The following INSRR variants were observed in gnomAD, a reference collection of about 807,000 sequenced individuals.
INSRR encodes the protein insulin receptor-related protein.
A neutral mutation model predicts 130.0 loss-of-function variants in INSRR; 114 were observed. The observed-to-expected ratio is 0.88, with a 90% CI of 0.75 to 1.02. The LOEUF is 1.02. Among genes scored for constraint, INSRR ranks in the 50% least tolerant of loss-of-function variants. INSRR has a pLI of 0.00. For missense variants in INSRR, 1,657 were observed against 1,735.2 expected, an observed-to-expected ratio of 0.95 and a Z score of 0.80; for synonymous variants, 674 against 705.2, an observed-to-expected ratio of 0.96 and a Z score of 0.70.
chr1:156,841,677 T>A lies in INSRR; in HGVS notation c.3515A>T (p.His1172Leu). The A allele has an allele frequency of 2.5e-6, 4 of 1,613,644 alleles. No individual in the cohort carries two copies. The highest frequency in any genetic ancestry group is 3.4e-6 in the Non-Finnish European group (4 of 1,179,816). Residue 1172 changes from histidine to leucine, a missense_variant, in exon 20 of 22, where the codon CAC becomes CTC. Physicochemically the swap from His to Leu is moderately conservative, Grantham distance 99 (BLOSUM62 -3). Coordinates refer to ENST00000368195, the MANE Select transcript of INSRR (RefSeq NM_014215.3). The stretch of plus-strand genomic sequence containing the variant: ...AGCTCGGCCCCACCAGACATCCGAG[T>A]GGGTGGTGAAGATCCCATCTTTGAG... ...ESLKDGIFTTHSDVWSFGVVL... is the reference protein window; with the variant it reads ...ESLKDGIFTTLSDVWSFGVVL...
In INSRR at chr1:156,853,960, C is replaced by G; in HGVS notation, c.429G>C (p.Lys143Asn). ...TGGAGAGGTGGCAGAGCTCCTGGTT[C>G]TTCTCCACACGCACAGCCCCACGCA... The part of the protein sequence containing the change: ...AVLRGAVRVE[K>N]NQELCHLSTI... The change falls in exon 2 of 22, where the codon AAG becomes AAC. Residue 143 changes from lysine (K) to asparagine (N), a missense_variant. Physicochemically the swap from Lys to Asn is moderately conservative, Grantham distance 94. Transcript: ENST00000368195. The G allele has an allele frequency of 1.9e-6, 3 of 1,613,146 alleles. No individual in the cohort carries two copies. Among genetic ancestry groups the G allele is most frequent in the East Asian group, 2.2e-5 (1 of 44,840 alleles).
chr1:156,843,088 C>A lies in INSRR; in HGVS notation c.3042G>T (p.Thr1014=), dbSNP rs56266370. The A allele has an allele frequency of 6.2e-7, 1 of 1,614,022 alleles. No homozygotes were observed. Among genetic ancestry groups the A allele is most frequent in the African/African-American group, 1.3e-5 (1 of 74,902 alleles). The part of the protein sequence containing the change: ...GEESTPVALK[T]VNELASPREC... ...CCCGTGGGCTGGCCAGCTCATTCACCGTCTTCAGGGCCACGGGTGTGGACT... is the reference window on the plus strand; with the variant it reads ...CCCGTGGGCTGGCCAGCTCATTCACAGTCTTCAGGGCCACGGGTGTGGACT... Residue 1014 remains threonine, a synonymous_variant, in exon 17 of 22, where the codon ACG becomes ACT. Coordinates refer to ENST00000368195, the MANE Select transcript of INSRR (RefSeq NM_014215.3).
At chr1:156,841,151 C>G (rs1323040440) in intron 21 of INSRR, 47 bp from the exon 22 acceptor site, 2 of 1,418,090 alleles carry the variant, frequency 1.4e-6, no homozygotes, top group East Asian at 2.5e-5. Context: ...GAGCCCCTGC[C>G]ACGCTCTCAG....
intron 21 of INSRR, 40 bp downstream of exon 21, chr1:156,841,354 G>A: frequency 6.3e-7 from 1 of 1,597,002 alleles, no homozygotes; most frequent in Non-Finnish European, 8.6e-7. Context: ...AGGGTTGTAG[G>A]TAGATCAACA....
rs1160858750 is a variant in INSRR, at chr1:156,841,117, G to C, written c.3663-13C>G. On this transcript the variant is annotated splice_polypyrimidine_tract_variant and intron_variant, in intron 21 of 21. Transcript: ENST00000368195. ...CATCAGCTCCTGCCTGGTGGGTGTG[G>C]GGAGCAGGGTCAGAGGCATCCGGGA... The C allele has an allele frequency of 6.4e-7, 1 of 1,550,586 alleles. No individual in the cohort carries two copies.
In INSRR at chr1:156,848,401, C is replaced by T. The variant is rs574213274; in HGVS notation, c.1571+520G>A. 9.8e-5 allele frequency among the ~76,000 whole-genome samples: 15 copies of T among 152,286 alleles called. No homozygotes were observed. The South Asian group carries it at 1.7e-3, about 17-fold the overall frequency. ...AGGATATCTCCTTTTGATTCCTAAC[C>T]GTGTTTTTGGAGAAGTCTTTCCTGT... is the stretch of plus-strand genomic sequence containing the variant. On this transcript the variant is annotated intron_variant, in intron 7 of 21. Transcript: ENST00000368195.
rs772332648 is a variant in INSRR, at chr1:156,842,174, A to C, written c.3335T>G (p.Val1112Gly). Residue 1112 changes from valine (V) to glycine (G), a missense_variant, in exon 19 of 22, where the codon GTG becomes GGG. Val to Gly is a moderately radical substitution (Grantham distance 109). Transcript: ENST00000368195. ...GMAYLAANKF[V>G]HRDLAARNCM... is the part of the protein sequence containing the mutation. Reference sequence around the variant, plus strand: ...GTTGCGGGCTGCTAGATCTCGGTGCACAAACTTGTTGGCAGCAAGGTAGGC... The same window carrying C: ...GTTGCGGGCTGCTAGATCTCGGTGCCCAAACTTGTTGGCAGCAAGGTAGGC... 1.9e-6 allele frequency: 3 copies of C among 1,613,824 alleles called. No individual in the cohort carries two copies. The highest frequency in any genetic ancestry group is 2.5e-6 in the Non-Finnish European group (3 of 1,179,970).
In INSRR at chr1:156,846,027, G is replaced by A; in HGVS notation, c.1903C>T (p.Leu635Phe). 2 of 1,614,178 alleles carry A rather than the reference G, an allele frequency of 1.2e-6. No individual in the cohort carries two copies. The highest frequency in any genetic ancestry group is 1.7e-6 in the Non-Finnish European group (2 of 1,180,016). Reference protein sequence around the residue: ...WKPPTQRNGNLTYYLVLWQRL... With the variant: ...WKPPTQRNGNFTYYLVLWQRL... ...TGCCACAGCACCAGGTAGTAGGTGA[G>A]GTTCCCATTGCGCTGGGTCGGTGGC... The change falls in exon 9 of 22, where the codon CTC becomes TTC. Residue 635 changes from leucine (L) to phenylalanine (F), a missense_variant. Coordinates refer to ENST00000368195, the MANE Select transcript of INSRR (RefSeq NM_014215.3).
intron 7 of INSRR, 77 bp downstream of exon 7, chr1:156,848,844 C>G (rs1655098158): frequency 1.3e-6 from 2 of 1,499,970 alleles, no homozygotes; most frequent in Non-Finnish European, 1.8e-6. Context: ...TGAGCTCCGC[C>G]CTCACCTGCC....
At position 156,853,837 on chromosome 1, in the gene INSRR, C is replaced by G. The variant is rs768965212; in HGVS notation, c.552G>C (p.Leu184=). The part of the protein sequence containing the change: ...EECADVCPGV[L]GAAGEPCAKT... ...TGGCACAGGGCTCACCAGCAGCACC[C>G]AGCACACCAGGGCACACGTCAGCAC... Residue 184 remains leucine, a synonymous_variant, in exon 2 of 22, where the codon CTG becomes CTC. Coordinates refer to ENST00000368195, the MANE Select transcript of INSRR (RefSeq NM_014215.3). 2 of 1,613,966 alleles carry G rather than the reference C, an allele frequency of 1.2e-6. No homozygotes were observed. The highest frequency in any genetic ancestry group is 1.3e-5 in the African/African-American group (1 of 75,068).
In INSRR at chr1:156,854,352, C is replaced by T. The variant is rs1296172715; in HGVS notation, c.86-49G>A. 2.0e-6 allele frequency: 3 copies of T among 1,517,154 alleles called. No homozygotes were observed. Among genetic ancestry groups the T allele is most frequent in the Middle Eastern group, 1.9e-4 (1 of 5,160 alleles). The allele number at this position is 1,517,154 out of a possible 1,614,324, so 94.0% of individuals were successfully genotyped here. ...CATTGAGTACAGCCCAGGCCAAATT[C>T]CCCATCCAGCCCTGGCAGCTTTGGA... On this transcript the variant is annotated intron_variant, in intron 1 of 21. Coordinates refer to ENST00000368195, the MANE Select transcript of INSRR (RefSeq NM_014215.3). The surrounding 1 kb of genome is among the most constrained non-coding windows in gnomAD (Gnocchi z 4.2).
At position 156,842,445 on chromosome 1, in the gene INSRR, G is replaced by T; in HGVS notation, c.3190C>A (p.Arg1064Ser). Residue 1064 changes from arginine to serine, a missense_variant, in exon 18 of 22, where the codon CGT (arginine) becomes AGT (serine). By Grantham distance (110) the Arg-to-Ser change is moderately radical. Transcript: ENST00000368195. Reference sequence around the variant, plus strand: ...CGAAGATGGCTCTTGAGGTCCCCACGGGTCATTAACTCCATGATGACCAGA... The same window carrying T: ...CGAAGATGGCTCTTGAGGTCCCCACTGGTCATTAACTCCATGATGACCAGA... ...PTLVIMELMT[R>S]GDLKSHLRSL... The T allele has an allele frequency of 6.2e-7, 1 of 1,613,996 alleles. No homozygotes were observed. The highest frequency in any genetic ancestry group is 8.5e-7 in the Non-Finnish European group (1 of 1,179,994).
rs778144377 is a variant in INSRR at position 156,841,518 on chromosome 1, C to T, written c.3538G>A (p.Val1180Met). ...TTHSDVWSFG[V>M]VLWEIVTLAE... The stretch of plus-strand genomic sequence containing the variant: ...AGGGTCACAATCTCCCAGAGTACCA[C>T]GCCAAAGGACCTGGGGGCATGCAGG... The change falls in exon 21 of 22, where the codon GTG (valine) becomes ATG (methionine). Residue 1180 changes from valine to methionine, a missense_variant. Coordinates refer to ENST00000368195, the MANE Select transcript of INSRR (RefSeq NM_014215.3). 40 of 1,614,004 alleles carry T rather than the reference C, an allele frequency of 2.5e-5. No homozygotes were observed. Among genetic ancestry groups the T allele is most frequent in the Middle Eastern group, 1.6e-4 (1 of 6,062 alleles).
At position 156,851,379 on chromosome 1, in the gene INSRR, G is replaced by A. The variant is rs1217053227; in HGVS notation, c.1140C>T (p.Gly380=). ...CAAAGGAGTGCTTGATTTTGAGGAA[G>A]CCAGTAATGGTTTCTACCAGCCCCA... ...HSLGLVETIT[G]FLKIKHSFAL... is the part of the protein sequence containing the mutation. The change falls in exon 5 of 22, where the codon GGC becomes GGT. Residue 380 remains glycine (G), a synonymous_variant. Coordinates refer to ENST00000368195, the MANE Select transcript of INSRR (RefSeq NM_014215.3). 3 of 1,613,962 alleles carry A rather than the reference G, an allele frequency of 1.9e-6. No homozygotes were observed. The highest frequency in any genetic ancestry group is 1.3e-5 in the African/African-American group (1 of 74,930).
intron 3 of INSRR, 46 bp downstream of exon 3, chr1:156,851,842 G>T: frequency 6.3e-7 from 1 of 1,579,014 alleles, no homozygotes; most frequent in Non-Finnish European, 8.6e-7. Flanking sequence ...GCCTCCTCAG[G>T]CCTCCTCACT....
rs538793272 is a variant in INSRR, at chr1:156,857,309, C to T, written c.85+1228G>A. 2.1e-4 allele frequency among the ~76,000 whole-genome samples: 32 copies of T among 152,192 alleles called. 1 individual carries two copies. The highest frequency in any genetic ancestry group is 1.7e-3 in the East Asian group (9 of 5,162). ...CCAGGCAAAAGCCAATCAGGCTCTG[C>T]GAGGCAGATAGGGGTTCTCTCAGGC... On this transcript the variant is annotated intron_variant, in intron 1 of 21. Transcript: ENST00000368195.
chr1:156,842,301 A>G (rs1248223375), intron 18 of INSRR, 30 bp from the exon 19 acceptor site: 3 of 1,613,742 alleles, frequency 1.9e-6, no homozygotes, highest in Non-Finnish European at 1.7e-6. Flanking sequence ...CTGGTGAGGA[A>G]GGAACCCAGA....
Position 156,840,700 on chromosome 1 carries a change from G to A in INSRR, c.*173C>T, listed in dbSNP as rs1360700727. On this transcript the variant is annotated 3_prime_UTR_variant, in exon 22 of 22. Coordinates refer to ENST00000368195, the MANE Select transcript of INSRR (RefSeq NM_014215.3). ...GACTCAGAGTCTGAGAAACTCCTAT[G>A]GTGAGACCCCTCTGCCCACCCCCAC... 3.2e-6 allele frequency: 2 copies of A among 627,172 alleles called. No homozygotes were observed. The highest frequency in any genetic ancestry group is 2.8e-5 in the Admixed American group (1 of 36,302). The allele number at this position is 627,172 out of a possible 1,614,324, so 38.9% of individuals were successfully genotyped here.
intron 15 of INSRR, 126 bp from the exon 16 acceptor site, chr1:156,843,605 G>T: frequency 1.0e-6 from 1 of 996,778 alleles, no homozygotes. Flanking sequence ...GCCTTGGTCA[G>T]GGTGACTCCT....
Sources: allele counts gnomAD v4.1 joint callset (sites outside exome capture counted in the v4.1 genomes callset), GRCh38; gene constraint gnomAD v4.1.1; non-coding constraint Gnocchi (gnomAD v3.1); transcripts MANE v1.5; gene names NCBI Gene and HGNC (gene_info 2026-07-23, HGNC 2026-07-21).